The following XXYLT1 variants were observed in gnomAD, a reference collection of about 807,000 sequenced individuals.
XXYLT1 encodes the protein UDP-xylose:alpha-xyloside alpha-1,3-xylosyltransferase.
In XXYLT1, 20 loss-of-function variants were observed where a neutral mutation model predicts 28.9. The ratio of observed to expected loss-of-function variants is 0.69; its 90% CI spans 0.49 to 1.00. The LOEUF is 1.00. XXYLT1 is among the 50% of genes least tolerant of loss of function. XXYLT1 has a pLI of 0.00. For synonymous variants in XXYLT1, 257 were observed against 253.8 expected (o/e 1.01, Z -0.12); for missense variants, 542 against 560.1 (o/e 0.97, Z 0.33).
intron 1 of XXYLT1, among the ~76,000 whole-genome samples, chr3:195,248,781 G>A (rs1242614676): frequency 1.3e-5 from 2 of 152,150 alleles, no homozygotes; most frequent in African/African-American, 4.8e-5. Context: ...TTAGCTGAGT[G>A]TGGTGGCAGG....
At chr3:195,095,773 A>T (rs1553801153) in intron 3 of XXYLT1, 1 of 152,360 alleles carries the variant, frequency 6.6e-6, no homozygotes, top group Non-Finnish European at 1.5e-5. Flanking sequence ...AGGGGGAGTG[A>T]GTCTCAGTGA....
chr3:195,072,494 C>T (rs186176771), intron 3 of XXYLT1, among the ~76,000 whole-genome samples: 9 of 152,244 alleles, frequency 5.9e-5, no homozygotes. Context: ...GGGCCGCAGG[C>T]AGAGAGAAGA....
rs573393179 is a variant in XXYLT1, at chr3:195,136,311, T to A, written c.785+20138A>T. On this transcript the variant is annotated intron_variant, in intron 3 of 3. Transcript: ENST00000310380. The stretch of plus-strand genomic sequence containing the variant: ...AGACTATCTTTAACATACACCTGTA[T>A]ACTGCAACCCACCCCGGCCCAAAAA... Among the ~76,000 whole-genome samples, 3 of 152,296 alleles carry A rather than the reference T, an allele frequency of 2.0e-5. No homozygotes were observed. The East Asian group carries it at 5.8e-4, about 29-fold the overall frequency.
In XXYLT1 at chr3:195,210,455, G is replaced by A. The variant is rs146298993; in HGVS notation, c.652+16254C>T. The stretch of plus-strand genomic sequence containing the variant: ...GAGGCCCAGAAAAAAGTTGGCTGAC[G>A]TCCTGGCAAGAAGTAATAAGAGCCA... On this transcript the variant is annotated intron_variant, in intron 2 of 3. Transcript: ENST00000310380. This position sits in a 1 kb window ranked among gnomAD's most constrained non-coding sequence, Gnocchi z 4.8. Among the ~76,000 whole-genome samples, 529 of 152,304 alleles carry A rather than the reference G, an allele frequency of 3.5e-3. No homozygotes were observed. Among genetic ancestry groups the A allele is most frequent in the Middle Eastern group, 0.02 (6 of 294 alleles).
At chr3:195,268,508 G>A (rs1725913491) in intron 1 of XXYLT1, among the ~76,000 whole-genome samples, 1 of 151,556 alleles carries the variant, frequency 6.6e-6, no homozygotes, top group African/African-American at 2.4e-5. Context: ...GGCTGAGGCA[G>A]AATCGCTCGA....
intron 2 of XXYLT1, among the ~76,000 whole-genome samples, chr3:195,212,775 C>G (rs1203659047): frequency 6.6e-6 from 1 of 152,198 alleles, no homozygotes; most frequent in Non-Finnish European, 1.5e-5. Flanking sequence ...AAACTGTCTT[C>G]TGTGAAACCA....
At chr3:195,138,857 G>GAAAAAAAAAAAAAAAA (rs552573280) in intron 3 of XXYLT1, among the ~76,000 whole-genome samples, 1 of 84,144 alleles carries the variant, frequency 1.2e-5, no homozygotes. Context: ...TCTGCCTCAG[G>GAAAAAAAAAAAAAAAA]AAAAAAAAAA....
At chr3:195,105,076 G>T (rs181177009) in intron 3 of XXYLT1, among the ~76,000 whole-genome samples, 6 of 152,298 alleles carry the variant, frequency 3.9e-5, no homozygotes, top group Non-Finnish European at 7.4e-5. Context: ...TGGCTGGTTT[G>T]TATTTCATCC....
chr3:195,130,373 T>C (rs940957464), intron 3 of XXYLT1, among the ~76,000 whole-genome samples: 1 of 152,216 alleles, frequency 6.6e-6, no homozygotes, highest in African/African-American at 2.4e-5. Context: ...AGGTCTGGGC[T>C]TAGAGGGGAA....
At chr3:195,098,515 T>C (rs1419248542) in intron 3 of XXYLT1, among the ~76,000 whole-genome samples, 2 of 152,204 alleles carry the variant, frequency 1.3e-5, no homozygotes, top group Admixed American at 1.3e-4. Context: ...ATCGTGCCAC[T>C]GCACTCCAGC....
intron 1 of XXYLT1, among the ~76,000 whole-genome samples, chr3:195,252,319 T>C (rs1725288137): frequency 6.6e-6 from 1 of 152,192 alleles, no homozygotes. Flanking sequence ...TCTATAATAT[T>C]TTATTTCCTT....
chr3:195,211,860 A>G, intron 2 of XXYLT1, among the ~76,000 whole-genome samples: 1 of 149,084 alleles, frequency 6.7e-6, no homozygotes, highest in East Asian at 2.0e-4. Flanking sequence ...CAAGCCACGG[A>G]ATGCCACCAG....
At chr3:195,170,098 C>G (rs1025111481) in intron 2 of XXYLT1, among the ~76,000 whole-genome samples, 4 of 152,042 alleles carry the variant, frequency 2.6e-5, no homozygotes, top group Non-Finnish European at 4.4e-5. Context: ...GATCCGCCAG[C>G]CTCGGCCTCC....
intron 2 of XXYLT1, among the ~76,000 whole-genome samples, chr3:195,162,805 A>G (rs1283843285): frequency 6.6e-6 from 1 of 152,230 alleles, no homozygotes; most frequent in Admixed American, 6.5e-5. Context: ...ATAACACCCA[A>G]TGTAAATTTC....
chr3:195,090,933 T>C (rs1241632761), intron 3 of XXYLT1, among the ~76,000 whole-genome samples: 1 of 151,568 alleles, frequency 6.6e-6, no homozygotes, highest in Non-Finnish European at 1.5e-5. Context: ...CTAGAAGAAA[T>C]GGATAAATTC....
intron 2 of XXYLT1, among the ~76,000 whole-genome samples, chr3:195,216,582 G>C (rs1218130363): frequency 6.7e-6 from 1 of 148,704 alleles, no homozygotes; most frequent in Admixed American, 6.7e-5. Flanking sequence ...TAAATTCCTC[G>C]ACACATACAC....
At chr3:195,121,180 G>GC (rs1718341347) in intron 3 of XXYLT1, among the ~76,000 whole-genome samples, 1 of 152,236 alleles carries the variant, frequency 6.6e-6, no homozygotes, top group African/African-American at 2.4e-5. Context: ...GAAGGCCTTG[G>GC]CCGCCCAGCC....
intron 2 of XXYLT1, among the ~76,000 whole-genome samples, chr3:195,205,166 A>C (rs189671001): frequency 3.1e-4 from 48 of 152,388 alleles, no homozygotes; most frequent in Non-Finnish European, 1.9e-4. Context: ...CAAAAGACCC[A>C]GCTACTGTAC....
At chr3:195,147,330 G>A (rs2108659893) in intron 3 of XXYLT1, among the ~76,000 whole-genome samples, 1 of 152,304 alleles carries the variant, frequency 6.6e-6, no homozygotes, top group South Asian at 2.1e-4. Context: ...AGCACTTTGG[G>A]AAGCCCAGGC....
Sources: allele counts gnomAD v4.1 joint callset (sites outside exome capture counted in the v4.1 genomes callset), GRCh38; gene constraint gnomAD v4.1.1; non-coding constraint Gnocchi (gnomAD v3.1); transcripts MANE v1.5; gene names NCBI Gene and HGNC (gene_info 2026-07-23, HGNC 2026-07-21).